TRA2A: variants seen among roughly 807,000 people sequenced by gnomAD.
TRA2A encodes transformer 2 alpha homolog.
In TRA2A, 31 loss-of-function variants were observed where a neutral mutation model predicts 45.7. That is an observed-to-expected ratio of 0.68 (90% CI 0.51 to 0.92). The LOEUF (loss-of-function observed/expected upper bound fraction) is 0.92. TRA2A is among the 40% of genes least tolerant of loss of function. TRA2A has a pLI of 0.00. For missense variants in TRA2A, 304 were observed against 367.5 expected (o/e 0.83, Z 1.41); for synonymous variants, 132 against 126.2 (o/e 1.05, Z -0.31).
rs994049849 is a variant in TRA2A at position 23,516,421 on chromosome 7, C to T, written c.278G>A (p.Arg93Gln). ...RSRSYTPEYR[R>Q]RRSRSHSPMS... ...TGGAGAATGGCTTCGGCTCCTTCGC[C>T]GCCGGTATTCTGGTGTATATGATCT... is the stretch of plus-strand genomic sequence containing the variant. Residue 93 changes from arginine to glutamine, a missense_variant, in exon 3 of 8, where the codon CGG becomes CAG. Transcript: ENST00000297071. 8 of 1,614,102 alleles carry T rather than the reference C, an allele frequency of 5.0e-6. No homozygotes were observed. The highest frequency in any genetic ancestry group is 2.7e-5 in the African/African-American group (2 of 74,946).
chr7:23,512,801 A>T, intron 4 of TRA2A, 93 bp downstream of exon 4: 2 of 1,064,096 alleles, frequency 1.9e-6, no homozygotes, highest in South Asian at 2.0e-5. Flanking sequence ...AAAAAGGAAG[A>T]AAAAAGGATG....
In TRA2A at chr7:23,505,168, A is replaced by T. The variant is rs1789256240; in HGVS notation, c.*391T>A. The T allele has an allele frequency of 5.7e-6, 1 of 176,886 alleles. No homozygotes were observed. The highest frequency in any genetic ancestry group is 2.0e-4 in the South Asian group (1 of 5,046). 11.0% of individuals were successfully genotyped at this position (176,886 alleles called of 1,614,324 possible). On this transcript the variant is annotated 3_prime_UTR_variant, in exon 8 of 8. Transcript: ENST00000297071. The stretch of plus-strand genomic sequence containing the variant: ...TTACTTTCCCAAAAATAAAGTTAAA[A>T]AAAAAAAGGAACTCATGATAAATGC...
At chr7:23,512,788 G>T in intron 4 of TRA2A, 106 bp downstream of exon 4, 16 of 837,082 alleles carry the variant, frequency 1.9e-5, no homozygotes, top group Non-Finnish European at 2.4e-5. Flanking sequence ...AAAAAAAAAA[G>T]AAAAAAAGGA....
chr7:23,508,903 T>C (rs931119135), intron 4 of TRA2A, among the ~76,000 whole-genome samples: 3 of 152,154 alleles, frequency 2.0e-5, no homozygotes, highest in African/African-American at 7.2e-5. Flanking sequence ...TGAGCCGCCT[T>C]GCACAGCCTA....
intron 5 of TRA2A, 89 bp downstream of exon 5, chr7:23,507,331 A>G (rs966485095): frequency 2.0e-5 from 21 of 1,030,496 alleles, no homozygotes; most frequent in Admixed American, 1.4e-4. Context: ...ATCAATTCTA[A>G]TTATAGGAAA....
In TRA2A at chr7:23,511,477, TA is replaced by T. The variant is rs371762390; in HGVS notation, c.525+1416del. 1.9e-4 allele frequency among the ~76,000 whole-genome samples: 26 copies of T among 138,702 alleles called. 1 individual carries two copies. In the East Asian group the frequency reaches 5.8e-3, roughly 31 times the overall value. The allele number at this position is 138,702 out of a possible 152,430, so 91.0% of individuals were successfully genotyped here. ...AATAAAACTTCCAGATATATACAAA[TA>T]TATATATATTAATTTAAAAGACAGA... On this transcript the variant is annotated intron_variant, in intron 4 of 7. Coordinates refer to ENST00000297071, the MANE Select transcript of TRA2A (RefSeq NM_013293.5).
intron 3 of TRA2A, 51 bp from the exon 4 acceptor site, chr7:23,513,133 G>A (rs768752021): frequency 5.3e-6 from 7 of 1,319,944 alleles, no homozygotes; most frequent in South Asian, 1.4e-5. Context: ...CAAAATCAAA[G>A]AAACACAGAA....
Position 23,522,180 on chromosome 7 carries a change from GCTTT to G in TRA2A, c.37-344_37-341del, listed in dbSNP as rs1790163087. ...ATTCTTTTAATTCTACTTCACTCTT[GCTTT>G]CTACTTCTCTTCATTCTTCATTGAG... On this transcript the variant is annotated intron_variant, in intron 1 of 7. Transcript: ENST00000297071. 14 of 1,139,322 alleles carry G rather than the reference GCTTT, an allele frequency of 1.2e-5. 1 individual carries two copies. In the South Asian group the frequency reaches 2.6e-4, roughly 21 times the overall value. 70.6% of individuals were successfully genotyped at this position (1,139,322 alleles called of 1,614,324 possible). A position where few individuals can be genotyped will look rare whatever the true frequency, so the allele number is the denominator to read the frequency against.
chr7:23,530,465 C>G (rs549418449), intron 1 of TRA2A, among the ~76,000 whole-genome samples: 9 of 152,312 alleles, frequency 5.9e-5, no homozygotes, highest in Middle Eastern at 3.4e-3. Flanking sequence ...ACAAAATTCG[C>G]CCTTCAGCAC....
At chr7:23,521,243 C>CA (rs140820479) in intron 2 of TRA2A, among the ~76,000 whole-genome samples, 2,630 of 152,318 alleles carry the variant, frequency 0.017, 85 homozygotes, top group African/African-American at 0.06. Context: ...AGCATACACA[C>CA]ATCAACTTTC....
intron 4 of TRA2A, 91 bp downstream of exon 4, chr7:23,512,803 A>G: frequency 1.8e-6 from 2 of 1,081,462 alleles, no homozygotes; most frequent in East Asian, 2.7e-5. Flanking sequence ...AAAGGAAGAA[A>G]AAAGGATGCA....
rs369104621 is a variant in TRA2A, at chr7:23,506,057, T to C, written c.770+81A>G. ...ATCTATTTTAAAAATCAAGTTTTTA[T>C]TCATATGTATCCAACATAAAAGTGC... On this transcript the variant is annotated intron_variant, in intron 6 of 7. Coordinates refer to ENST00000297071, the MANE Select transcript of TRA2A (RefSeq NM_013293.5). 8.4e-5 allele frequency: 105 copies of C among 1,251,076 alleles called. 4 individuals are homozygous for C. The South Asian group carries it at 1.3e-3, about 16-fold the overall frequency. The allele number at this position is 1,251,076 out of a possible 1,614,324, so 77.5% of individuals were successfully genotyped here. A position where few individuals can be genotyped will look rare whatever the true frequency, so the allele number is the denominator to read the frequency against.
intron 1 of TRA2A, among the ~76,000 whole-genome samples, chr7:23,526,133 T>C (rs1475564467): frequency 1.3e-5 from 2 of 152,210 alleles, no homozygotes; most frequent in Non-Finnish European, 1.5e-5. Flanking sequence ...TATATACATG[T>C]ACACAATGTT....
chr7:23,523,584 A>G (rs891321126), intron 1 of TRA2A, among the ~76,000 whole-genome samples: 2 of 152,246 alleles, frequency 1.3e-5, no homozygotes, highest in Non-Finnish European at 2.9e-5. Flanking sequence ...CAAGAACTGT[A>G]CAAATGCCAC....
At chr7:23,521,442 T>C (rs1453481529) in intron 2 of TRA2A, among the ~76,000 whole-genome samples, 1 of 152,178 alleles carries the variant, frequency 6.6e-6, no homozygotes, top group Non-Finnish European at 1.5e-5. Flanking sequence ...GATTTTAGTA[T>C]TGATTTCTTA....
At chr7:23,515,918 T>TA (rs1050058322) in intron 3 of TRA2A, among the ~76,000 whole-genome samples, 1 of 149,808 alleles carries the variant, frequency 6.7e-6, no homozygotes, top group Non-Finnish European at 1.5e-5. Flanking sequence ...CTCACGCCTG[T>TA]AACCCCAGCA....
At chr7:23,525,605 G>T (rs1371300632) in intron 1 of TRA2A, among the ~76,000 whole-genome samples, 2 of 152,132 alleles carry the variant, frequency 1.3e-5, no homozygotes, top group African/African-American at 4.8e-5. Flanking sequence ...TTTTTGTTTT[G>T]ATGTTTATTT....
At chr7:23,523,680 A>G in intron 1 of TRA2A, among the ~76,000 whole-genome samples, 1 of 152,334 alleles carries the variant, frequency 6.6e-6, no homozygotes, top group African/African-American at 2.4e-5. Flanking sequence ...TTAGCTACCT[A>G]CAAGTCTTTC....
intron 1 of TRA2A, among the ~76,000 whole-genome samples, chr7:23,529,978 G>A (rs1243552340): frequency 6.6e-6 from 1 of 150,448 alleles, no homozygotes; most frequent in African/African-American, 2.4e-5. Flanking sequence ...TCCTAGACTT[G>A]ATGATAAATT....
Sources: gnomAD v4.1 joint callset for allele counts (sites outside exome capture counted in the v4.1 genomes callset) on GRCh38, gnomAD v4.1.1 for gene constraint, MANE v1.5 for transcripts, NCBI Gene and HGNC (gene_info 2026-07-23, HGNC 2026-07-21) for gene names.